AMPH: variants seen among roughly 807,000 people sequenced by gnomAD.
AMPH encodes amphiphysin (Stiff-Mann syndrome with breast cancer 128kD autoantigen).
Under a neutral mutation model 99.1 loss-of-function variants are expected in AMPH, and 49 were observed. That is an observed-to-expected ratio of 0.49 (90% CI 0.39 to 0.63). The LOEUF (loss-of-function observed/expected upper bound fraction) is 0.63. Ranked by LOEUF, AMPH falls within the 20% of genes least tolerant of loss-of-function variation. The pLI, the probability that AMPH is intolerant of heterozygous loss-of-function variation, is 0.00. For synonymous variants in AMPH, 314 were observed against 317.3 expected, an observed-to-expected ratio of 0.99 and a Z score of 0.11; for missense variants, 759 against 863.4, an observed-to-expected ratio of 0.88 and a Z score of 1.52.
chr7:38,541,067 C>T (rs1293658650), intron 1 of AMPH, among the ~76,000 whole-genome samples: 3 of 140,134 alleles, frequency 2.1e-5, no homozygotes, highest in Non-Finnish European at 4.6e-5. Context: ...ATAATGTGTA[C>T]ATTCTCCATG....
chr7:38,559,083 A>C (rs756033032), intron 1 of AMPH, among the ~76,000 whole-genome samples: 1 of 152,248 alleles, frequency 6.6e-6, no homozygotes, highest in East Asian at 1.9e-4. Context: ...TCACGTTGTC[A>C]AACTGTATAA....
chr7:38,409,755 G>A (rs1478068017), intron 17 of AMPH, among the ~76,000 whole-genome samples: 1 of 152,156 alleles, frequency 6.6e-6, no homozygotes, highest in African/African-American at 2.4e-5. Context: ...ACGTCTGTTA[G>A]AACTAGCTCC....
chr7:38,406,953 C>T (rs1036486273), intron 17 of AMPH, among the ~76,000 whole-genome samples: 17 of 146,148 alleles, frequency 1.2e-4, no homozygotes, highest in Non-Finnish European at 2.1e-4. Context: ...TCTCTGTCCC[C>T]AGCTTGCAGA....
intron 1 of AMPH, among the ~76,000 whole-genome samples, chr7:38,537,987 A>C (rs1790677978): frequency 6.6e-6 from 1 of 152,354 alleles, no homozygotes; most frequent in East Asian, 1.9e-4. Flanking sequence ...ATCAGAGTAA[A>C]GAAGGATCAA....
chr7:38,585,488 G>A (rs17413744), intron 1 of AMPH, among the ~76,000 whole-genome samples: 42,830 of 152,086 alleles, frequency 0.28, 6,434 homozygotes, highest in Non-Finnish European at 0.34. Flanking sequence ...TGACAGCCGC[G>A]CTCAAGTCAT....
chr7:38,602,988 T>G (rs1352343595), intron 1 of AMPH, among the ~76,000 whole-genome samples: 1 of 152,158 alleles, frequency 6.6e-6, no homozygotes, highest in Non-Finnish European at 1.5e-5. Context: ...GATATGATGT[T>G]GTAAAGAGCA....
chr7:38,404,115 C>T (rs76925142), intron 17 of AMPH, among the ~76,000 whole-genome samples: 2 of 152,058 alleles, frequency 1.3e-5, no homozygotes, highest in African/African-American at 2.4e-5. Context: ...AGACTGGAGT[C>T]AAAGGACAGC....
intron 17 of AMPH, among the ~76,000 whole-genome samples, chr7:38,407,216 T>C (rs1440937183): frequency 6.7e-6 from 1 of 148,286 alleles, no homozygotes; most frequent in Non-Finnish European, 1.5e-5. Flanking sequence ...TCTATATCTA[T>C]CTATAGATAG....
At chr7:38,541,485 A>C (rs1790807497) in intron 1 of AMPH, among the ~76,000 whole-genome samples, 2 of 152,206 alleles carry the variant, frequency 1.3e-5, no homozygotes, top group South Asian at 4.1e-4. Context: ...TGGGCCTTTA[A>C]GGTCCTCACA....
At chr7:38,535,433 A>C (rs1367629636) in intron 1 of AMPH, among the ~76,000 whole-genome samples, 1 of 152,106 alleles carries the variant, frequency 6.6e-6, no homozygotes, top group East Asian at 1.9e-4. Context: ...GCATTCATCC[A>C]CTTCAGTGGT....
intron 17 of AMPH, among the ~76,000 whole-genome samples, chr7:38,412,223 T>C (rs1785236351): frequency 6.6e-6 from 1 of 152,204 alleles, no homozygotes; most frequent in Admixed American, 6.5e-5. Flanking sequence ...AAATGGTTAA[T>C]TTTATTTTAT....
At position 38,571,159 on chromosome 7, in the gene AMPH, A is replaced by ACT. The variant is rs1562834902; in HGVS notation, c.70-36149_70-36148insAG. 3.0e-4 allele frequency among the ~76,000 whole-genome samples: 27 copies of ACT among 88,656 alleles called. 4 individuals are homozygous for ACT. The highest frequency in any genetic ancestry group is 4.7e-4 in the Non-Finnish European group (24 of 50,680). The allele number at this position is 88,656 out of a possible 152,430, so 58.2% of individuals were successfully genotyped here. ...TATTTTTATATATTTATGAATATAT[A>ACT]TATTTTTATATATTTTTATATATGA... On this transcript the variant is annotated intron_variant, in intron 1 of 20. Coordinates refer to ENST00000356264, the MANE Select transcript of AMPH (RefSeq NM_001635.4).
chr7:38,556,411 C>T (rs1791365259), intron 1 of AMPH, among the ~76,000 whole-genome samples: 1 of 152,176 alleles, frequency 6.6e-6, no homozygotes, highest in Non-Finnish European at 1.5e-5. Flanking sequence ...GAGCTCACAG[C>T]TGAGATGGGG....
intron 11 of AMPH, among the ~76,000 whole-genome samples, chr7:38,442,852 G>C (rs1398441259): frequency 6.6e-6 from 1 of 150,886 alleles, no homozygotes; most frequent in African/African-American, 2.4e-5. Context: ...ACAGATTAGA[G>C]TGGAAATCAG....
intron 1 of AMPH, among the ~76,000 whole-genome samples, chr7:38,578,797 C>T (rs1432788415): frequency 6.6e-6 from 1 of 152,046 alleles, no homozygotes; most frequent in African/African-American, 2.4e-5. Context: ...ATTAAAGAAA[C>T]CCCTAACAAA....
chr7:38,391,687 G>A (rs781427682), intron 19 of AMPH, 61 bp downstream of exon 19: 1 of 1,547,970 alleles, frequency 6.5e-7, no homozygotes, highest in Non-Finnish European at 8.7e-7. Flanking sequence ...AAAACCAAAG[G>A]CTTGAGCAAA....
At chr7:38,570,451 C>T (rs965299360) in intron 1 of AMPH, among the ~76,000 whole-genome samples, 7 of 152,038 alleles carry the variant, frequency 4.6e-5, no homozygotes, top group African/African-American at 1.4e-4. Context: ...TAATGGTACT[C>T]CCATAAGATT....
chr7:38,522,189 G>T (rs1427999101), intron 2 of AMPH, among the ~76,000 whole-genome samples: 1 of 152,110 alleles, frequency 6.6e-6, no homozygotes, highest in Non-Finnish European at 1.5e-5. Context: ...ATTGATAACT[G>T]CCATCCTATT....
At chr7:38,625,928 T>A (rs2129072465) in intron 1 of AMPH, among the ~76,000 whole-genome samples, 1 of 152,266 alleles carries the variant, frequency 6.6e-6, no homozygotes, top group East Asian at 1.9e-4. Context: ...TGGACTTCAA[T>A]CTTTAAAATG....
Sources: gnomAD v4.1 joint callset for allele counts (sites outside exome capture counted in the v4.1 genomes callset) on GRCh38, gnomAD v4.1.1 for gene constraint, MANE v1.5 for transcripts, NCBI Gene and HGNC (gene_info 2026-07-23, HGNC 2026-07-21) for gene names.